The following FSHR variants were observed in gnomAD, a reference collection of about 807,000 sequenced individuals.
FSHR encodes follicle stimulating hormone receptor.
Under a neutral mutation model 52.1 loss-of-function variants are expected in FSHR, and 46 were observed. That is an observed-to-expected ratio of 0.88 (90% CI 0.70 to 1.13). The LOEUF (loss-of-function observed/expected upper bound fraction) is 1.13, where lower values mean the gene tolerates loss of function less well. Ranked by LOEUF, FSHR falls within the 50% of genes most tolerant of loss-of-function variation. FSHR has a pLI of 0.00. For missense variants in FSHR, 964 were observed against 834.6 expected (o/e 1.16, Z -1.91); for synonymous variants, 399 against 309.6 (o/e 1.29, Z -3.03).
chr2:49,099,546 G>A (rs972050670), intron 1 of FSHR, among the ~76,000 whole-genome samples: 2 of 152,054 alleles, frequency 1.3e-5, no homozygotes, highest in Admixed American at 6.6e-5. Flanking sequence ...AAAATAGGGT[G>A]TTTGCAAATA....
intron 4 of FSHR, among the ~76,000 whole-genome samples, chr2:48,996,129 A>G (rs553343172): frequency 2.0e-5 from 3 of 152,274 alleles, no homozygotes; most frequent in South Asian, 4.1e-4. Flanking sequence ...TTGGTTTCCT[A>G]TGATATAGGA....
intron 4 of FSHR, among the ~76,000 whole-genome samples, chr2:48,999,267 T>C (rs1354207193): frequency 1.2e-5 from 1 of 83,596 alleles, no homozygotes; most frequent in African/African-American, 4.1e-5. Context: ...TTTAATGTAT[T>C]CCTCTCCACT....
chr2:49,132,311 C>G (rs1672308159), intron 1 of FSHR, among the ~76,000 whole-genome samples: 1 of 152,192 alleles, frequency 6.6e-6, no homozygotes, highest in Non-Finnish European at 1.5e-5. Flanking sequence ...ATGTTCAGGA[C>G]TGTAAATACT....
At chr2:49,150,103 C>A (rs916712331) in intron 1 of FSHR, among the ~76,000 whole-genome samples, 1 of 151,938 alleles carries the variant, frequency 6.6e-6, no homozygotes, top group Admixed American at 6.6e-5. Flanking sequence ...AGATCAAAGG[C>A]ACTTTTCTAG....
chr2:49,154,504 G>A lies in FSHR; in HGVS notation c.-87C>T. The A allele has an allele frequency of 7.2e-7, 1 of 1,388,458 alleles. No individual in the cohort carries two copies. The allele number at this position is 1,388,458 out of a possible 1,614,324, so 86.0% of individuals were successfully genotyped here. On this transcript the variant is annotated 5_prime_UTR_variant, in exon 1 of 10. Transcript: ENST00000406846. ...CAGAAGCTCCACACAGTGCCCTTAT[G>A]AGAAGAGATCTGACTTGAGAACTGG... is the stretch of plus-strand genomic sequence containing the variant.
chr2:49,133,674 T>C (rs111847251), intron 1 of FSHR, among the ~76,000 whole-genome samples: 3 of 152,116 alleles, frequency 2.0e-5, no homozygotes, highest in African/African-American at 7.2e-5. Flanking sequence ...AACTATACTA[T>C]AAGGCTACAA....
At chr2:49,136,320 AAATATAT>A (rs1320314350) in intron 1 of FSHR, among the ~76,000 whole-genome samples, 1 of 152,138 alleles carries the variant, frequency 6.6e-6, no homozygotes, top group African/African-American at 2.4e-5. Flanking sequence ...ACTCAAGAAG[AAATATAT>A]AATATAAATA....
chr2:49,119,533 T>A (rs1671727453), intron 1 of FSHR, among the ~76,000 whole-genome samples: 1 of 152,182 alleles, frequency 6.6e-6, no homozygotes. Context: ...TTCTTTCCTT[T>A]TTTGCAATGG....
intron 2 of FSHR, among the ~76,000 whole-genome samples, chr2:49,031,976 A>G (rs1445887702): frequency 6.6e-6 from 1 of 152,164 alleles, no homozygotes; most frequent in Non-Finnish European, 1.5e-5. Context: ...TGTTATATGC[A>G]TAGCTTGTAT....
intron 1 of FSHR, among the ~76,000 whole-genome samples, chr2:49,110,748 G>A (rs143740524): frequency 1.3e-5 from 2 of 152,300 alleles, no homozygotes; most frequent in East Asian, 3.9e-4. Context: ...TGGAGTTGCT[G>A]CTGGGGAATA....
intron 2 of FSHR, among the ~76,000 whole-genome samples, chr2:49,045,674 G>A (rs1272932300): frequency 6.6e-6 from 1 of 152,116 alleles, no homozygotes; most frequent in East Asian, 1.9e-4. Flanking sequence ...CACCTTATTT[G>A]AGCATTTTCT....
At position 49,017,530 on chromosome 2, in the gene FSHR, G is replaced by C. The variant is rs774057514; in HGVS notation, c.333C>G (p.Ile111Met). The stretch of plus-strand genomic sequence containing the variant: ...GAAGGTTCTGGAAGGCCTCAGGGTT[G>C]ATGTAGAGCAGGTTGTTGGCCTTTT... ...RIEKANNLLY[I>M]NPEAFQNLPN... Residue 111 changes from isoleucine to methionine, a missense_variant, in exon 4 of 10, where the codon ATC (isoleucine) becomes ATG (methionine). Physicochemically the swap from Ile to Met is conservative, Grantham distance 10 (BLOSUM62 1). Coordinates refer to ENST00000406846, the MANE Select transcript of FSHR (RefSeq NM_000145.4). The C allele has an allele frequency of 3.2e-5, 51 of 1,613,448 alleles. No individual in the cohort carries two copies. Among genetic ancestry groups the C allele is most frequent in the Non-Finnish European group, 4.0e-5 (47 of 1,179,644 alleles).
intron 2 of FSHR, among the ~76,000 whole-genome samples, chr2:49,061,108 C>T (rs1669271749): frequency 6.6e-6 from 1 of 152,114 alleles, no homozygotes; most frequent in Non-Finnish European, 1.5e-5. Context: ...TACAACGTGG[C>T]ACCTTGAACC....
intron 1 of FSHR, among the ~76,000 whole-genome samples, chr2:49,149,744 A>G (rs1672996260): frequency 1.3e-5 from 2 of 152,088 alleles, no homozygotes; most frequent in Non-Finnish European, 2.9e-5. Context: ...GGAGATCTAA[A>G]CCAGGATGAA....
chr2:49,057,187 T>G (rs899110814), intron 2 of FSHR, among the ~76,000 whole-genome samples: 1 of 151,674 alleles, frequency 6.6e-6, no homozygotes, highest in African/African-American at 2.4e-5. Flanking sequence ...TAAATGAAAT[T>G]AACACTAAAA....
intron 1 of FSHR, among the ~76,000 whole-genome samples, chr2:49,084,956 A>G (rs907563948): frequency 1.8e-4 from 27 of 152,308 alleles, no homozygotes; most frequent in Non-Finnish European, 3.8e-4. Context: ...AACTATTCCA[A>G]TCAATAGAAA....
intron 2 of FSHR, among the ~76,000 whole-genome samples, chr2:49,064,196 T>C (rs555260423): frequency 6.6e-6 from 1 of 152,142 alleles, no homozygotes; most frequent in African/African-American, 2.4e-5. Context: ...AGCATGCTGG[T>C]AAATGGGGAC....
intron 8 of FSHR, among the ~76,000 whole-genome samples, chr2:48,981,772 A>G (rs1296288942): frequency 6.6e-6 from 1 of 152,190 alleles, no homozygotes. Context: ...GAAGGAGAAT[A>G]TTAGCTATTT....
intron 2 of FSHR, among the ~76,000 whole-genome samples, chr2:49,053,687 T>TA (rs917701849): frequency 3.8e-4 from 58 of 151,776 alleles, no homozygotes; most frequent in Middle Eastern, 3.4e-3. Flanking sequence ...TCCTGGTTCT[T>TA]AAAAAAAAGA....
Sources: gnomAD v4.1 joint callset for allele counts (sites outside exome capture counted in the v4.1 genomes callset) on GRCh38, gnomAD v4.1.1 for gene constraint, MANE v1.5 for transcripts, NCBI Gene and HGNC (gene_info 2026-07-23, HGNC 2026-07-21) for gene names.